The following DIS3L variants were observed in gnomAD, a reference collection of about 807,000 sequenced individuals.
The protein encoded by DIS3L is DIS3 like exosome 3'-5' exoribonuclease.
Under a neutral mutation model 120.3 loss-of-function variants are expected in DIS3L, and 100 were observed. That is an observed-to-expected ratio of 0.83 (90% CI 0.71 to 0.98). DIS3L has a LOEUF of 0.98. Among genes scored for constraint, DIS3L ranks in the 50% least tolerant of loss-of-function variants. The probability of loss-of-function intolerance (pLI) is 0.00; values close to 1 mark genes in which losing one functional copy is unlikely to be tolerated. For synonymous variants in DIS3L, 426 were observed against 470.6 expected (o/e 0.91, Z 1.23); for missense variants, 1,196 against 1,314.2 (o/e 0.91, Z 1.39).
At position 66,329,255 on chromosome 15, in the gene DIS3L, T is replaced by A; in HGVS notation, c.2391T>A (p.Ser797=). ...LALDKYTHFT[S]PIRRYSDIVV... is the part of the protein sequence containing the mutation. ...TAGATAAATATACCCACTTTACTTC[T>A]CCAATAAGAAGATATTCAGATATTG... Residue 797 remains serine, a synonymous_variant, in exon 14 of 17, where the codon TCT becomes TCA. Coordinates refer to ENST00000319212, the MANE Select transcript of DIS3L (RefSeq NM_001143688.3). The A allele has an allele frequency of 6.2e-7, 1 of 1,609,168 alleles. No homozygotes were observed. Among genetic ancestry groups the A allele is most frequent in the South Asian group, 1.1e-5 (1 of 89,602 alleles).
intron 7 of DIS3L, among the ~76,000 whole-genome samples, chr15:66,317,560 T>C (rs1358632048): frequency 1.3e-5 from 2 of 151,982 alleles, no homozygotes; most frequent in African/African-American, 4.8e-5. Context: ...GTGAAAATCA[T>C]TGACTTTTCC....
chr15:66,318,747 T>G, intron 8 of DIS3L, 129 bp downstream of exon 8: 1 of 1,016,488 alleles, frequency 9.8e-7, no homozygotes, highest in Non-Finnish European at 1.4e-6. Context: ...TGATGGCATC[T>G]GGCATTCCAA....
chr15:66,323,461 A>C (rs1224923527), intron 10 of DIS3L, 32 bp from the exon 11 acceptor site: 1 of 1,611,078 alleles, frequency 6.2e-7, no homozygotes, highest in East Asian at 2.2e-5. Flanking sequence ...TCCCTGCTAA[A>C]GGTCGCGTTG....
At position 66,293,941 on chromosome 15, in the gene DIS3L, G is replaced by A. The variant is rs552565645; in HGVS notation, c.139+206G>A. On this transcript the variant is annotated intron_variant, in intron 1 of 16. Coordinates refer to ENST00000319212, the MANE Select transcript of DIS3L (RefSeq NM_001143688.3). Reference sequence around the variant, plus strand: ...GGTCCGCGGCTTCTGGGGCGCCCGGGACTCCCTTACTGCTCCGCCCTGTCC... The same window carrying A: ...GGTCCGCGGCTTCTGGGGCGCCCGGAACTCCCTTACTGCTCCGCCCTGTCC... 2.9e-3 allele frequency: 2,849 copies of A among 996,848 alleles called. 4 individuals are homozygous for A. The highest frequency in any genetic ancestry group is 6.1e-3 in the Middle Eastern group (12 of 1,974). 61.8% of individuals were successfully genotyped at this position (996,848 alleles called of 1,614,324 possible). A position where few individuals can be genotyped will look rare whatever the true frequency, so the allele number is the denominator to read the frequency against.
intron 3 of DIS3L, among the ~76,000 whole-genome samples, chr15:66,308,479 G>T (rs1202812826): frequency 1.3e-5 from 2 of 152,192 alleles, no homozygotes; most frequent in Admixed American, 6.5e-5. Flanking sequence ...GGTTGCAGTG[G>T]TGGTTGGATG....
intron 6 of DIS3L, among the ~76,000 whole-genome samples, chr15:66,314,433 C>T (rs2092796689): frequency 6.6e-6 from 1 of 152,116 alleles, no homozygotes; most frequent in Admixed American, 6.6e-5. Flanking sequence ...TCTGTGCTGC[C>T]TCAATGTGCT....
At chr15:66,320,547 G>A in intron 8 of DIS3L, 24 bp from the exon 9 acceptor site, 5 of 1,602,678 alleles carry the variant, frequency 3.1e-6, no homozygotes, top group East Asian at 2.2e-5. Flanking sequence ...GCTCAGCTGT[G>A]TTTTATTTTT....
In DIS3L at chr15:66,315,088, T is replaced by G. The variant is rs1354836876; in HGVS notation, c.867T>G (p.Ile289Met). 1.9e-6 allele frequency: 3 copies of G among 1,614,068 alleles called. No homozygotes were observed. The South Asian group carries it at 3.3e-5, about 18-fold the overall frequency. ...GGATGAAGGCTCGAAACCGCTCAATTCATGGAGATGTGGTAGTTGTGGAGC... is the reference window on the plus strand; with the variant it reads ...GGATGAAGGCTCGAAACCGCTCAATGCATGGAGATGTGGTAGTTGTGGAGC... Reference protein sequence around the residue: ...IHGMKARNRSIHGDVVVVELL... With the variant: ...IHGMKARNRSMHGDVVVVELL... Residue 289 changes from isoleucine (I) to methionine (M), a missense_variant, in exon 7 of 17, where the codon ATT becomes ATG. Ile to Met is a conservative substitution (Grantham distance 10). Transcript: ENST00000319212.
At position 66,332,800 on chromosome 15, in the gene DIS3L, G is replaced by T. The variant is rs749702960; in HGVS notation, c.2746G>T (p.Asp916Tyr). ...KDGLVISCGP[D>Y]SCSEWKPGSL... ...TGGTTTAGTCATCTCATGTGGCCCA[G>T]ATAGCTGTTCTGAATGGAAACCAGG... The change falls in exon 16 of 17, where the codon GAT (aspartate) becomes TAT (tyrosine). Residue 916 changes from aspartate (D) to tyrosine (Y), a missense_variant. Physicochemically the swap from Asp to Tyr is radical, Grantham distance 160 (BLOSUM62 -3). Coordinates refer to ENST00000319212, the MANE Select transcript of DIS3L (RefSeq NM_001143688.3). The T allele has an allele frequency of 6.2e-7, 1 of 1,613,946 alleles. No individual in the cohort carries two copies.
chr15:66,302,995 A>G (rs1215054835), intron 2 of DIS3L, among the ~76,000 whole-genome samples: 1 of 151,992 alleles, frequency 6.6e-6, no homozygotes, highest in African/African-American at 2.4e-5. Flanking sequence ...CTTGGCCCCT[A>G]TTCTGCTATT....
In DIS3L at chr15:66,318,557, C is replaced by A. The variant is rs751011509; in HGVS notation, c.1103C>A (p.Thr368Lys). 16 of 1,613,958 alleles carry A rather than the reference C, an allele frequency of 9.9e-6. No homozygotes were observed. Among genetic ancestry groups the A allele is most frequent in the Admixed American group, 1.7e-5 (1 of 59,976 alleles). ...QGKNAQKILV[T>K]PWDYRIPKIR... ...AAAAATGCTCAGAAAATCCTGGTTACACCTTGGGATTACAGAATTCCCAAA... is the reference window on the plus strand; with the variant it reads ...AAAAATGCTCAGAAAATCCTGGTTAAACCTTGGGATTACAGAATTCCCAAA... The change falls in exon 8 of 17, where the codon ACA becomes AAA. Residue 368 changes from threonine to lysine, a missense_variant. By Grantham distance (78) the Thr-to-Lys change is moderately conservative. Transcript: ENST00000319212.
Position 66,323,474 on chromosome 15 carries a change from G to C in DIS3L, c.1575-19G>C, listed in dbSNP as rs755849401. On this transcript the variant is annotated intron_variant, in intron 10 of 16. Transcript: ENST00000319212. ...TCTCCCTGCTAAAGGTCGCGTTGCC[G>C]CGTGTGTGTCATTCACAGGGCCACC... The C allele has an allele frequency of 4.3e-6, 7 of 1,613,706 alleles. No homozygotes were observed. Among genetic ancestry groups the C allele is most frequent in the Non-Finnish European group, 5.9e-6 (7 of 1,179,802 alleles).
chr15:66,319,881 G>A (rs187640854), intron 8 of DIS3L, among the ~76,000 whole-genome samples: 3 of 151,394 alleles, frequency 2.0e-5, no homozygotes, highest in Admixed American at 1.3e-4. Flanking sequence ...TTGGGAGGCC[G>A]AGGCAGGTGG....
intron 2 of DIS3L, 83 bp downstream of exon 2, chr15:66,295,224 G>T: frequency 7.4e-7 from 1 of 1,346,344 alleles, no homozygotes; most frequent in Non-Finnish European, 1.0e-6. Context: ...GGGGATGGGA[G>T]GAATTCATTA....
chr15:66,332,957 G>T, intron 16 of DIS3L, 47 bp downstream of exon 16: 1 of 1,582,442 alleles, frequency 6.3e-7, no homozygotes, highest in Non-Finnish European at 8.6e-7. Context: ...TAAATGTAAG[G>T]AATAAATAAT....
intron 8 of DIS3L, among the ~76,000 whole-genome samples, chr15:66,319,854 C>G (rs1021220840): frequency 1.3e-5 from 2 of 151,674 alleles, no homozygotes; most frequent in Non-Finnish European, 2.9e-5. Flanking sequence ...GTGGCTCATG[C>G]CTGTAATCCC....
At chr15:66,323,662 T>C in intron 11 of DIS3L, 77 bp downstream of exon 11, 2 of 1,485,450 alleles carry the variant, frequency 1.3e-6, no homozygotes, top group Non-Finnish European at 1.9e-6. Context: ...TCTGGCCTCA[T>C]GTTTCTTCTC....
rs756903760 is a variant in DIS3L at position 66,331,978 on chromosome 15, T to G, written c.2639T>G (p.Ile880Ser). Residue 880 changes from isoleucine (I) to serine (S), a missense_variant, in exon 15 of 17, where the codon ATT becomes AGT. Physicochemically the swap from Ile to Ser is moderately radical, Grantham distance 142. Coordinates refer to ENST00000319212, the MANE Select transcript of DIS3L (RefSeq NM_001143688.3). Reference sequence around the variant, plus strand: ...GAGCGTTGCATATCTGACGGAGTTATTTATTCAATTAGAACAAATGGTGTG... The same window carrying G: ...GAGCGTTGCATATCTGACGGAGTTAGTTATTCAATTAGAACAAATGGTGTG... ...TEERCISDGV[I>S]YSIRTNGVLL... 6.2e-7 allele frequency: 1 copy of G among 1,612,902 alleles called. No individual in the cohort carries two copies. Among genetic ancestry groups the G allele is most frequent in the South Asian group, 1.1e-5 (1 of 90,974 alleles).
At chr15:66,293,939 G>C in intron 1 of DIS3L, 1 of 996,978 alleles carries the variant, frequency 1.0e-6, no homozygotes, top group Non-Finnish European at 1.2e-6. Flanking sequence ...TGGGGCGCCC[G>C]GGACTCCCTT....
Sources: allele counts gnomAD v4.1 joint callset (sites outside exome capture counted in the v4.1 genomes callset), GRCh38; gene constraint gnomAD v4.1.1; transcripts MANE v1.5; gene names NCBI Gene and HGNC (gene_info 2026-07-23, HGNC 2026-07-21).